The following ALOX5 variants were observed in gnomAD, a reference collection of about 807,000 sequenced individuals.
ALOX5 encodes the protein arachidonate 5-lipoxygenase.
ALOX5 carries 64 observed loss-of-function variants against 87.9 expected under a neutral mutation model. The observed-to-expected ratio is 0.73, with a 90% CI of 0.60 to 0.90. The LOEUF is 0.90. ALOX5 is among the 40% of genes least tolerant of loss of function. The pLI, the probability that ALOX5 is intolerant of heterozygous loss-of-function variation, is 0.00. For synonymous variants in ALOX5, 388 were observed against 355.1 expected (o/e 1.09, Z -1.04); for missense variants, 822 against 907.5 (o/e 0.91, Z 1.21).
intron 3 of ALOX5, among the ~76,000 whole-genome samples, chr10:45,409,585 CTCTG>C (rs1840998534): frequency 6.7e-6 from 1 of 149,940 alleles, no homozygotes; most frequent in Non-Finnish European, 1.5e-5. Flanking sequence ...CTCTCTCTCT[CTCTG>C]TCTCTCTGTC....
At chr10:45,412,164 C>T (rs1564430253) in intron 3 of ALOX5, 27 bp from the exon 4 acceptor site, 1 of 1,613,882 alleles carries the variant, frequency 6.2e-7, no homozygotes, top group Admixed American at 1.7e-5. Flanking sequence ...GCATTTAACT[C>T]AATTTCTTCT....
intron 1 of ALOX5, among the ~76,000 whole-genome samples, chr10:45,380,735 A>T (rs753716364): frequency 6.6e-6 from 1 of 152,158 alleles, no homozygotes; most frequent in Non-Finnish European, 1.5e-5. Context: ...TGAGGTCAGG[A>T]GTTTGAGACC....
intron 8 of ALOX5, 75 bp from the exon 9 acceptor site, chr10:45,441,269 G>A (rs931809047): frequency 2.2e-6 from 3 of 1,336,764 alleles, no homozygotes; most frequent in Non-Finnish European, 3.2e-6. Flanking sequence ...GCCTGGGTGG[G>A]GGAGCTGCGG....
chr10:45,439,961 C>T (rs933511753), intron 7 of ALOX5, among the ~76,000 whole-genome samples: 1 of 152,148 alleles, frequency 6.6e-6, no homozygotes, highest in African/African-American at 2.4e-5. Flanking sequence ...GAAAAGAAGA[C>T]AGGAGCACCA....
Position 45,440,648 on chromosome 10 carries a change from C to G in ALOX5, c.1185+15C>G. ...CCATTTTCAAGGTACAGCCAGCTAC[C>G]GCCCCACCTGCTATGGGAGGGCATC... On this transcript the variant is annotated intron_variant, in intron 8 of 13. Transcript: ENST00000374391. The G allele has an allele frequency of 6.2e-7, 1 of 1,612,630 alleles. No individual in the cohort carries two copies. The highest frequency in any genetic ancestry group is 8.5e-7 in the Non-Finnish European group (1 of 1,179,252).
chr10:45,437,828 C>T (rs556000019), intron 7 of ALOX5, among the ~76,000 whole-genome samples: 17 of 152,214 alleles, frequency 1.1e-4, no homozygotes, highest in Non-Finnish European at 2.2e-4. Context: ...GGACAAGCTG[C>T]GTAAGGAATA....
intron 7 of ALOX5, among the ~76,000 whole-genome samples, chr10:45,435,320 A>G (rs1034693385): frequency 1.3e-5 from 2 of 151,822 alleles, no homozygotes; most frequent in East Asian, 3.9e-4. Flanking sequence ...GGTTTGTTAC[A>G]TGGTTATATT....
intron 3 of ALOX5, among the ~76,000 whole-genome samples, chr10:45,397,344 C>T (rs139678913): frequency 6.6e-6 from 1 of 152,196 alleles, no homozygotes; most frequent in Non-Finnish European, 1.5e-5. Context: ...CATGCCACTG[C>T]ACTCCAGCAT....
At chr10:45,407,435 TGAC>T (rs1646961200) in intron 3 of ALOX5, among the ~76,000 whole-genome samples, 1 of 151,740 alleles carries the variant, frequency 6.6e-6, no homozygotes, top group South Asian at 2.1e-4. Flanking sequence ...TTGAGAAAAA[TGAC>T]GAGACAAGTC....
chr10:45,445,521 T>C lies in ALOX5; in HGVS notation c.1859T>C (p.Met620Thr), dbSNP rs768271894. Residue 620 changes from methionine (M) to threonine (T), a missense_variant, in exon 14 of 14, where the codon ATG (methionine) becomes ACG (threonine). Coordinates refer to ENST00000374391, the MANE Select transcript of ALOX5 (RefSeq NM_000698.5). ...CTGGGCCCTCAGCTGTTCCTGGGCA[T>C]GTACCCAGAAGAGCATTTTATCGAG... ...QFQENELFLG[M>T]YPEEHFIEKP... 4 of 1,613,620 alleles carry C rather than the reference T, an allele frequency of 2.5e-6. No individual in the cohort carries two copies. The African/African-American group carries it at 4.0e-5, about 16-fold the overall frequency.
At chr10:45,436,249 T>G (rs996779961) in intron 7 of ALOX5, among the ~76,000 whole-genome samples, 6 of 152,224 alleles carry the variant, frequency 3.9e-5, no homozygotes, top group Non-Finnish European at 8.8e-5. Context: ...AGAAGCTCTT[T>G]AATTTGATTA....
At chr10:45,407,099 C>T (rs1840912253) in intron 3 of ALOX5, among the ~76,000 whole-genome samples, 1 of 152,144 alleles carries the variant, frequency 6.6e-6, no homozygotes, top group Admixed American at 6.5e-5. Context: ...GTCCTGTCCC[C>T]CTACCCATCC....
intron 3 of ALOX5, among the ~76,000 whole-genome samples, chr10:45,403,658 T>C (rs917361986): frequency 1.3e-5 from 2 of 152,242 alleles, no homozygotes; most frequent in African/African-American, 4.8e-5. Context: ...AAAACTTACA[T>C]GCCATTAGCA....
At chr10:45,382,428 C>A in intron 1 of ALOX5, 55 bp from the exon 2 acceptor site, 1 of 1,600,028 alleles carries the variant, frequency 6.2e-7, no homozygotes, top group Non-Finnish European at 8.6e-7. Context: ...TTAACACCTC[C>A]AGAACAAAGG....
chr10:45,436,295 G>A (rs1483668466), intron 7 of ALOX5, among the ~76,000 whole-genome samples: 1 of 152,130 alleles, frequency 6.6e-6, no homozygotes, highest in Non-Finnish European at 1.5e-5. Flanking sequence ...TGTTGCATAT[G>A]CCTTTGAGGT....
intron 9 of ALOX5, 156 bp downstream of exon 9, chr10:45,441,586 G>A: frequency 1.5e-6 from 1 of 677,656 alleles, no homozygotes. Flanking sequence ...GATGTCTCCA[G>A]CCCGTGCCAT....
At chr10:45,384,380 C>G (rs1839944397) in intron 2 of ALOX5, among the ~76,000 whole-genome samples, 1 of 152,200 alleles carries the variant, frequency 6.6e-6, no homozygotes, top group South Asian at 2.1e-4. Flanking sequence ...GCTGTAAAAC[C>G]AACCTCCTTG....
At chr10:45,440,690 A>T in intron 8 of ALOX5, 57 bp downstream of exon 8, 1 of 1,571,404 alleles carries the variant, frequency 6.4e-7, no homozygotes, top group African/African-American at 1.3e-5. Flanking sequence ...GTGGAGTGGG[A>T]GGGATCACTG....
chr10:45,427,541 C>G (rs375785814), intron 6 of ALOX5, among the ~76,000 whole-genome samples: 1 of 152,226 alleles, frequency 6.6e-6, no homozygotes, highest in Admixed American at 6.5e-5. Flanking sequence ...TGCGTGCCGC[C>G]GGGCAGCCCG....
Sources: gnomAD v4.1 joint callset for allele counts (sites outside exome capture counted in the v4.1 genomes callset) on GRCh38, gnomAD v4.1.1 for gene constraint, MANE v1.5 for transcripts, NCBI Gene and HGNC (gene_info 2026-07-23, HGNC 2026-07-21) for gene names.